Variants in COX10 observed in about 807,000 individuals in gnomAD.
COX10 encodes cytochrome c oxidase assembly factor heme A:farnesyltransferase COX10.
Under a neutral mutation model 37.3 loss-of-function variants are expected in COX10, and 27 were observed. The ratio of observed to expected loss-of-function variants is 0.72; its 90% confidence interval spans 0.53 to 1.00. COX10 has a LOEUF of 1.00. COX10 is among the 50% of genes least tolerant of loss of function. The pLI, the probability that COX10 is intolerant of heterozygous loss-of-function variation, is 0.00. For missense variants in COX10, 475 were observed against 563.2 expected (o/e 0.84, Z 1.59); for synonymous variants, 222 against 229.1 (o/e 0.97, Z 0.28).
At chr17:14,081,351 G>A (rs948489552) in intron 3 of COX10, among the ~76,000 whole-genome samples, 3 of 152,206 alleles carry the variant, frequency 2.0e-5, no homozygotes, top group African/African-American at 4.8e-5. Context: ...GAGAAAGAGA[G>A]ATAGATAGAG....
At chr17:14,131,869 G>C (rs775093112) in intron 4 of COX10, among the ~76,000 whole-genome samples, 1 of 151,890 alleles carries the variant, frequency 6.6e-6, no homozygotes. Flanking sequence ...CAGTAGCTTT[G>C]TACAAAGTCC....
chr17:14,115,027 C>G (rs2142208643), intron 4 of COX10, among the ~76,000 whole-genome samples: 1 of 152,248 alleles, frequency 6.6e-6, no homozygotes, highest in South Asian at 2.1e-4. Flanking sequence ...TGAGTCCCCT[C>G]TTGCTATAAG....
At chr17:14,136,228 G>A (rs1904361853) in intron 4 of COX10, among the ~76,000 whole-genome samples, 1 of 151,870 alleles carries the variant, frequency 6.6e-6, no homozygotes, top group Admixed American at 6.6e-5. Context: ...CATCAAAACT[G>A]GTTTCAATTT....
At chr17:14,132,808 A>G (rs907428816) in intron 4 of COX10, among the ~76,000 whole-genome samples, 19 of 151,832 alleles carry the variant, frequency 1.3e-4, no homozygotes, top group Middle Eastern at 3.4e-3. Context: ...ATAGCTTCAA[A>G]TACTTATTTT....
intron 4 of COX10, among the ~76,000 whole-genome samples, chr17:14,140,170 G>A (rs1183967911): frequency 6.6e-6 from 1 of 152,070 alleles, no homozygotes; most frequent in Middle Eastern, 3.2e-3. Flanking sequence ...CTTTTTGAAA[G>A]CATGTAGCCA....
chr17:14,074,495 C>T, intron 2 of COX10, 39 bp downstream of exon 2: 1 of 1,003,864 alleles, frequency 1.0e-6, no homozygotes, highest in East Asian at 2.8e-5. Context: ...TTACTTTCTG[C>T]CTTTTTCTCT....
intron 4 of COX10, among the ~76,000 whole-genome samples, chr17:14,151,221 A>G (rs1904882991): frequency 6.6e-6 from 1 of 152,212 alleles, no homozygotes; most frequent in Non-Finnish European, 1.5e-5. Flanking sequence ...TGAAAGCATT[A>G]TAGTAAATGC....
At chr17:14,176,185 A>G (rs1417364718) in intron 5 of COX10, among the ~76,000 whole-genome samples, 1 of 151,750 alleles carries the variant, frequency 6.6e-6, no homozygotes, top group Non-Finnish European at 1.5e-5. Flanking sequence ...GCTGGCTACC[A>G]TTGCCTACTC....
chr17:14,104,195 G>A (rs1161824983), intron 4 of COX10, among the ~76,000 whole-genome samples: 13 of 151,934 alleles, frequency 8.6e-5, no homozygotes, highest in Non-Finnish European at 1.5e-4. Context: ...CTGTGATTTC[G>A]TTTGGAAGCA....
At chr17:14,116,189 TGGTA>T (rs1916104690) in intron 4 of COX10, among the ~76,000 whole-genome samples, 1 of 152,186 alleles carries the variant, frequency 6.6e-6, no homozygotes, top group East Asian at 1.9e-4. Flanking sequence ...CTTCATTAAC[TGGTA>T]CATCAGTCCC....
In COX10 at chr17:14,207,983, G is replaced by T. The variant is rs1906761052; in HGVS notation, c.*770G>T. The T allele has an allele frequency of 6.6e-6, 1 of 152,350 alleles. No individual in the cohort carries two copies. The highest frequency in any genetic ancestry group is 2.1e-4 in the South Asian group (1 of 4,832). 9.4% of individuals were successfully genotyped at this position (152,350 alleles called of 1,614,324 possible). Reference sequence around the variant, plus strand: ...GTAGCCCTGGACTTAATACCAGCCGGATACCTCTGGCCCCCACCCCATTAC... The same window carrying T: ...GTAGCCCTGGACTTAATACCAGCCGTATACCTCTGGCCCCCACCCCATTAC... On this transcript the variant is annotated 3_prime_UTR_variant, in exon 7 of 7. Coordinates refer to ENST00000261643, the MANE Select transcript of COX10 (RefSeq NM_001303.4).
chr17:14,088,143 GATTTCCCATATTT>G (rs1915452858), intron 3 of COX10, among the ~76,000 whole-genome samples: 1 of 152,068 alleles, frequency 6.6e-6, no homozygotes, highest in South Asian at 2.1e-4. Context: ...GAATAGCCTT[GATTTCCCATATTT>G]ATTTCCCATA....
chr17:14,093,599 C>A (rs1053548629), intron 3 of COX10, among the ~76,000 whole-genome samples: 5 of 152,144 alleles, frequency 3.3e-5, no homozygotes, highest in Non-Finnish European at 7.4e-5. Context: ...GTAAAAGCCT[C>A]CATTTATGGG....
chr17:14,127,839 T>A (rs1282618520), intron 4 of COX10, among the ~76,000 whole-genome samples: 2 of 152,094 alleles, frequency 1.3e-5, no homozygotes, highest in Non-Finnish European at 2.9e-5. Context: ...CTTGGCCACA[T>A]CAAAGTTAGC....
chr17:14,161,431 A>T (rs1905168718), intron 5 of COX10, among the ~76,000 whole-genome samples: 1 of 152,194 alleles, frequency 6.6e-6, no homozygotes, highest in Non-Finnish European at 1.5e-5. Context: ...GTGCATATGG[A>T]TGCCAGGTTA....
At chr17:14,204,831 G>A (rs1481195852) in intron 6 of COX10, among the ~76,000 whole-genome samples, 1 of 152,228 alleles carries the variant, frequency 6.6e-6, no homozygotes, top group Non-Finnish European at 1.5e-5. Context: ...GCTGAGTGCA[G>A]TGGCTCATGC....
chr17:14,129,588 T>G (rs192316318), intron 4 of COX10, among the ~76,000 whole-genome samples: 2 of 152,350 alleles, frequency 1.3e-5, no homozygotes, highest in African/African-American at 2.4e-5. Flanking sequence ...TCTTTCAGCC[T>G]TCTGTATTTT....
In COX10 at chr17:14,207,106, C is replaced by T. The variant is rs368918847; in HGVS notation, c.1225C>T (p.Arg409Trp). 4.3e-5 allele frequency: 69 copies of T among 1,613,696 alleles called. No homozygotes were observed. Among genetic ancestry groups the T allele is most frequent in the Non-Finnish European group, 5.5e-5 (65 of 1,179,936 alleles). The change falls in exon 7 of 7, where the codon CGG becomes TGG. Residue 409 changes from arginine to tryptophan, a missense_variant. Physicochemically the swap from Arg to Trp is moderately radical, Grantham distance 101. Around this residue, in one of 5 missense-constraint regions of COX10, gnomAD observed 160 missense variants for 180.6 expected, o/e 0.89. Transcript: ENST00000261643. ...CGTGGACGCAGACCGCAGGAGCTCGCGGAGACTGTTCTTCTGCAGCCTGTG... is the reference window on the plus strand; with the variant it reads ...CGTGGACGCAGACCGCAGGAGCTCGTGGAGACTGTTCTTCTGCAGCCTGTG... ...FYVDADRRSS[R>W]RLFFCSLWHL...
Position 14,074,440 on chromosome 17 carries a change from G to A in COX10, c.161G>A (p.Ser54Asn), listed in dbSNP as rs1339749063. ...NKQWITFQHF[S>N]FLKRMYVTQL... The stretch of plus-strand genomic sequence containing the variant: ...CAGTGGATTACATTTCAGCACTTTA[G>A]CTTCCTCAAACGCATGGTATGTTTA... Residue 54 changes from serine (S) to asparagine (N), a missense_variant, in exon 2 of 7, where the codon AGC (serine) becomes AAC (asparagine). Physicochemically the swap from Ser to Asn is conservative, Grantham distance 46 (BLOSUM62 1). This residue lies in a region of COX10 where 242 missense variants were observed against 242.5 expected (regional missense o/e 1.00). Coordinates refer to ENST00000261643, the MANE Select transcript of COX10 (RefSeq NM_001303.4). 1 of 1,613,882 alleles carries A rather than the reference G, an allele frequency of 6.2e-7. No homozygotes were observed. The highest frequency in any genetic ancestry group is 1.3e-5 in the African/African-American group (1 of 75,022).
Sources: gnomAD v4.1 joint callset for allele counts (sites outside exome capture counted in the v4.1 genomes callset) on GRCh38, gnomAD v4.1.1 for gene constraint, gnomAD v4.1.1 regional missense constraint, MANE v1.5 for transcripts, NCBI Gene and HGNC (gene_info 2026-07-23, HGNC 2026-07-21) for gene names.